The following JAKMIP1 variants were observed in gnomAD, a reference collection of about 807,000 sequenced individuals.
JAKMIP1 encodes janus kinase and microtubule interacting protein 1, also known as janus kinase and microtubule-interacting protein 1.
Under a neutral mutation model 113.0 loss-of-function variants are expected in JAKMIP1, and 33 were observed. That is an observed-to-expected ratio of 0.29 (90% confidence interval 0.22 to 0.39). The LOEUF is 0.39. Among genes scored for constraint, JAKMIP1 ranks in the 10% least tolerant of loss-of-function variants. The pLI, the probability that JAKMIP1 is intolerant of heterozygous loss-of-function variation, is 1.00. For missense variants in JAKMIP1, 813 were observed against 1,080.5 expected, an observed-to-expected ratio of 0.75 and a Z score of 3.47; for synonymous variants, 480 against 459.9, an observed-to-expected ratio of 1.04 and a Z score of -0.56.
intron 16 of JAKMIP1, among the ~76,000 whole-genome samples, chr4:6,045,557 G>A (rs952112715): frequency 6.6e-6 from 1 of 152,186 alleles, no homozygotes; most frequent in Admixed American, 6.5e-5. Flanking sequence ...CCTTCAGGTT[G>A]CACTTCACCT....
In JAKMIP1 at chr4:6,086,549, A is replaced by C. The variant is rs1366784652; in HGVS notation, c.625-920T>G. ...GTCAGAAAGGACACAGGCTCAACAC[A>C]GTGGGCCGGGTGACAGTGAGGAACC... is the stretch of plus-strand genomic sequence containing the variant. On this transcript the variant is annotated intron_variant, in intron 3 of 20. Transcript: ENST00000409021. The surrounding 1 kb of genome is among the most constrained non-coding windows in gnomAD (Gnocchi z 4.1). Among the ~76,000 whole-genome samples, 1 of 151,986 alleles carries C rather than the reference A, an allele frequency of 6.6e-6. No homozygotes were observed. The highest frequency in any genetic ancestry group is 2.4e-5 in the African/African-American group (1 of 41,376).
rs190660976 is a variant in JAKMIP1, at chr4:6,173,451, T to C, written c.-148+26802A>G. 3.3e-3 allele frequency among the ~76,000 whole-genome samples: 508 copies of C among 152,296 alleles called. 2 individuals carry two copies. Among genetic ancestry groups the C allele is most frequent in the Non-Finnish European group, 5.0e-3 (342 of 68,028 alleles). On this transcript the variant is annotated intron_variant, in intron 1 of 20. Coordinates refer to ENST00000409021, the MANE Select transcript of JAKMIP1 (RefSeq NM_001099433.2). ...CCAAGAGGATGCCAAATATGAACTA[T>C]GGAGCAAGCATTCCACTCTGCCTCA...
At chr4:6,128,532 C>A (rs1276443591) in intron 1 of JAKMIP1, among the ~76,000 whole-genome samples, 1 of 151,636 alleles carries the variant, frequency 6.6e-6, no homozygotes, top group East Asian at 2.0e-4. Context: ...AACAGGAGAC[C>A]CAGCTGGTCT....
In JAKMIP1 at chr4:6,097,352, C is replaced by G. The variant is rs961571638; in HGVS notation, c.624+8121G>C. Among the ~76,000 whole-genome samples the G allele has an allele frequency of 6.6e-6, 1 of 152,218 alleles. No individual in the cohort carries two copies. The highest frequency in any genetic ancestry group is 1.5e-5 in the Non-Finnish European group (1 of 68,046). On this transcript the variant is annotated intron_variant, in intron 3 of 20. Coordinates refer to ENST00000409021, the MANE Select transcript of JAKMIP1 (RefSeq NM_001099433.2). The surrounding 1 kb of genome is among the most constrained non-coding windows in gnomAD (Gnocchi z 4.3). ...TAATCACTTCTTACACTTATTCACA[C>G]ATACCACTGATACAGTGGAGAAGAT...
rs1031242273 is a variant in JAKMIP1, at chr4:6,076,768, G to C, written c.1302+2171C>G. Among the ~76,000 whole-genome samples the C allele has an allele frequency of 6.6e-6, 1 of 152,212 alleles. No homozygotes were observed. Among genetic ancestry groups the C allele is most frequent in the Non-Finnish European group, 1.5e-5 (1 of 68,040 alleles). On this transcript the variant is annotated intron_variant, in intron 8 of 20. Transcript: ENST00000409021. The surrounding 1 kb of genome is among the most constrained non-coding windows in gnomAD (Gnocchi z 4.8). ...AAGGTATCTTGGGGATGGGACCCAA[G>C]TCTAAACATGAAATTCATTTGTTTC...
At chr4:6,048,726 A>G in intron 16 of JAKMIP1, 131 bp downstream of exon 16, 5 of 706,098 alleles carry the variant, frequency 7.1e-6, no homozygotes, top group South Asian at 1.7e-5. Flanking sequence ...AAAGGCATGC[A>G]TGTGCACGTG....
chr4:6,028,937 G>A (rs888258135), intron 20 of JAKMIP1, among the ~76,000 whole-genome samples: 4 of 152,252 alleles, frequency 2.6e-5, no homozygotes, highest in African/African-American at 9.6e-5. Flanking sequence ...GGCAAGAACT[G>A]TCTTGAATGA....
intron 1 of JAKMIP1, among the ~76,000 whole-genome samples, chr4:6,172,466 T>A (rs1037106008): frequency 8.6e-5 from 13 of 151,636 alleles, no homozygotes; most frequent in Admixed American, 7.9e-4. Flanking sequence ...CTGGCCTGGG[T>A]TTCTTCCAGT....
intron 1 of JAKMIP1, among the ~76,000 whole-genome samples, chr4:6,120,641 G>C (rs758491307): frequency 2.0e-5 from 3 of 152,206 alleles, no homozygotes; most frequent in Non-Finnish European, 2.9e-5. Flanking sequence ...TTTCAGTTTC[G>C]TTTAAAATCC....
At chr4:6,190,531 C>T (rs1727142285) in intron 1 of JAKMIP1, among the ~76,000 whole-genome samples, 1 of 152,194 alleles carries the variant, frequency 6.6e-6, no homozygotes, top group Non-Finnish European at 1.5e-5. Context: ...AGATAAGTCA[C>T]TCACTCCCCA....
intron 1 of JAKMIP1, among the ~76,000 whole-genome samples, chr4:6,132,517 C>A (rs896934787): frequency 6.6e-6 from 1 of 151,872 alleles, no homozygotes; most frequent in Non-Finnish European, 1.5e-5. Flanking sequence ...TGGTGCACAC[C>A]GGTAGTCGCA....
intron 16 of JAKMIP1, among the ~76,000 whole-genome samples, chr4:6,045,401 A>T (rs1010586736): frequency 2.0e-5 from 3 of 152,230 alleles, no homozygotes; most frequent in African/African-American, 7.2e-5. Flanking sequence ...ATACGTGGCT[A>T]ACCAGAGTGG....
At chr4:6,090,914 C>A (rs577169876) in intron 3 of JAKMIP1, among the ~76,000 whole-genome samples, 3 of 152,246 alleles carry the variant, frequency 2.0e-5, no homozygotes, top group Non-Finnish European at 2.9e-5. Flanking sequence ...AGTGTCAAAA[C>A]CCCACGTTGA....
At position 6,038,224 on chromosome 4, in the gene JAKMIP1, G is replaced by T. The variant is rs58461061; in HGVS notation, c.2176-2117C>A. Among the ~76,000 whole-genome samples the T allele has an allele frequency of 2.2e-4, 27 of 122,644 alleles. No individual in the cohort carries two copies. The East Asian group carries it at 2.2e-3, about 10-fold the overall frequency. The allele number at this position is 122,644 out of a possible 152,430, so 80.5% of individuals were successfully genotyped here. A position where few individuals can be genotyped will look rare whatever the true frequency, so the allele number is the denominator to read the frequency against. On this transcript the variant is annotated intron_variant, in intron 18 of 20. Transcript: ENST00000409021. ...TCACCGAGGCAGAGGCTAACCAGTA[G>T]CCCTCCATCACCGAGGCAGAGGTTA...
intron 3 of JAKMIP1, among the ~76,000 whole-genome samples, chr4:6,098,726 G>GAAAGAA (rs1712461698): frequency 2.5e-4 from 3 of 12,046 alleles, no homozygotes; most frequent in African/African-American, 6.4e-4. Flanking sequence ...GAAAGAAAAA[G>GAAAGAA]AAAGAAAGAG....
intron 13 of JAKMIP1, chr4:6,053,845 G>T: frequency 2.8e-6 from 4 of 1,405,218 alleles, no homozygotes; most frequent in Non-Finnish European, 3.7e-6. Context: ...ACTTGGGTGA[G>T]CACGCTCTCC....
intron 8 of JAKMIP1, among the ~76,000 whole-genome samples, chr4:6,066,609 C>T (rs1718120558): frequency 6.6e-6 from 1 of 152,118 alleles, no homozygotes; most frequent in Non-Finnish European, 1.5e-5. Context: ...GCAGCTCATG[C>T]TTCAGTTGCC....
At chr4:6,033,045 G>A (rs1712951559) in intron 19 of JAKMIP1, among the ~76,000 whole-genome samples, 1 of 152,190 alleles carries the variant, frequency 6.6e-6, no homozygotes, top group African/African-American at 2.4e-5. Context: ...TTACACCAGT[G>A]GCTTCACTCC....
chr4:6,083,488 A>C (rs1720877754), intron 5 of JAKMIP1, among the ~76,000 whole-genome samples: 1 of 152,116 alleles, frequency 6.6e-6, no homozygotes. Flanking sequence ...ATGTTTCCAG[A>C]AGCCTGTGTT....
Sources: gnomAD v4.1 joint callset for allele counts (sites outside exome capture counted in the v4.1 genomes callset) on GRCh38, gnomAD v4.1.1 for gene constraint, Gnocchi (gnomAD v3.1) non-coding constraint, MANE v1.5 for transcripts, NCBI Gene and HGNC (gene_info 2026-07-23, HGNC 2026-07-21) for gene names.